Variants in S1PR2 observed in about 807,000 individuals in gnomAD.
S1PR2 encodes the protein sphingosine 1-phosphate receptor 2.
A neutral mutation model predicts 16.1 loss-of-function variants in S1PR2; 9 were observed. That is an observed-to-expected ratio of 0.56 (90% CI 0.34 to 0.98). The LOEUF (loss-of-function observed/expected upper bound fraction) is 0.98, where lower values mean the gene tolerates loss of function less well. Among genes scored for constraint, S1PR2 ranks in the 50% least tolerant of loss-of-function variants. The pLI, the probability that S1PR2 is intolerant of heterozygous loss-of-function variation, is 0.02. For synonymous variants in S1PR2, 224 were observed against 233.9 expected (o/e 0.96, Z 0.38); for missense variants, 361 against 488.4 (o/e 0.74, Z 2.46).
At position 10,223,923 on chromosome 19, in the gene S1PR2, A is replaced by C; in HGVS notation, c.983T>G (p.Leu328Arg). The change falls in exon 2 of 2, where the codon CTC (leucine) becomes CGC (arginine). Residue 328 changes from leucine (L) to arginine (R), a missense_variant. Transcript: ENST00000646641. ...CCTCTCCAGGGAGCTGGAGCTGCGG[A>C]GTGGCAGGAGGTGGTGGCCCGGGGT... ...GGTPGHHLLPLRSSSSLERGM... is the reference protein window; with the variant it reads ...GGTPGHHLLPRRSSSSLERGM... 2 of 1,602,400 alleles carry C rather than the reference A, an allele frequency of 1.2e-6. No individual in the cohort carries two copies. The highest frequency in any genetic ancestry group is 1.7e-6 in the Non-Finnish European group (2 of 1,173,976).
chr19:10,230,019 C>G (rs746712053), intron 1 of S1PR2, among the ~76,000 whole-genome samples: 2 of 152,136 alleles, frequency 1.3e-5, no homozygotes, highest in African/African-American at 4.8e-5. Context: ...AAAGGAGACC[C>G]TAGTGGGTTC....
chr19:10,224,686 TG>T lies in S1PR2; in HGVS notation c.219del (p.Asn74ThrfsTer14). The T allele has an allele frequency of 6.2e-7, 1 of 1,614,202 alleles. No homozygotes were observed. Among genetic ancestry groups the T allele is most frequent in the Non-Finnish European group, 8.5e-7 (1 of 1,180,046 alleles). On this transcript the variant is annotated frameshift_variant, in exon 2 of 2. Coordinates refer to ENST00000646641, the MANE Select transcript of S1PR2 (RefSeq NM_004230.4). LOFTEE classifies it high-confidence loss of function. Reference protein sequence around the residue: ...KFHSAMYLFLGNLAASDLLAG... With the variant: ...KFHSAMYLFLXNLAASDLLAG... ...GCCAGTAGATCGGAGGCGGCCAGGT[TG>T]CCCAGAAACAGGTACATTGCCGAGT... is the stretch of plus-strand genomic sequence containing the variant.
chr19:10,227,409 G>C (rs1228200857), intron 1 of S1PR2, among the ~76,000 whole-genome samples: 5 of 152,172 alleles, frequency 3.3e-5, no homozygotes, highest in Non-Finnish European at 7.4e-5. Flanking sequence ...AGGGCGGAGG[G>C]ACATCCGTCC....
At chr19:10,227,416 G>A (rs946393221) in intron 1 of S1PR2, among the ~76,000 whole-genome samples, 1 of 152,142 alleles carries the variant, frequency 6.6e-6, no homozygotes, top group Non-Finnish European at 1.5e-5. Context: ...AGGGACATCC[G>A]TCCTAGTTTG....
Position 10,224,304 on chromosome 19 carries a change from A to ATGATGGAG in S1PR2, c.594_601dup (p.Ile201ThrfsTer32). The stretch of plus-strand genomic sequence containing the variant: ...GTACAGGGCCACGATGGCCAACAGG[A>ATGATGGAG]TGATGGAGAAGATGGTCACCACGCA... On this transcript the variant is annotated frameshift_variant, in exon 2 of 2. Coordinates refer to ENST00000646641, the MANE Select transcript of S1PR2 (RefSeq NM_004230.4). LOFTEE classifies it high-confidence loss of function. The ATGATGGAG allele has an allele frequency of 1.2e-6, 2 of 1,614,128 alleles. No individual in the cohort carries two copies. Among genetic ancestry groups the ATGATGGAG allele is most frequent in the Non-Finnish European group, 1.7e-6 (2 of 1,180,046 alleles).
rs748833361 is a variant in S1PR2 at position 10,223,949 on chromosome 19, C to T, written c.957G>A (p.Gly319=). The T allele has an allele frequency of 6.2e-7, 1 of 1,603,770 alleles. No individual in the cohort carries two copies. Among genetic ancestry groups the T allele is most frequent in the Non-Finnish European group, 8.5e-7 (1 of 1,175,110 alleles). Residue 319 remains glycine, a synonymous_variant, in exon 2 of 2, where the codon GGG becomes GGA. Coordinates refer to ENST00000646641, the MANE Select transcript of S1PR2 (RefSeq NM_004230.4). ...GVGVQGRRRG[G]TPGHHLLPLR... ...GTGGCAGGAGGTGGTGGCCCGGGGT[C>T]CCGCCCCGCCTCCGTCCTTGCACCC...
chr19:10,231,036 C>A (rs1447990042), intron 1 of S1PR2, among the ~76,000 whole-genome samples, 168 bp downstream of exon 1: 1 of 152,246 alleles, frequency 6.6e-6, no homozygotes, highest in Admixed American at 6.5e-5. Context: ...CAGTGGGGGC[C>A]GCCCGGATTC....
intron 1 of S1PR2, among the ~76,000 whole-genome samples, chr19:10,230,218 T>TA: frequency 6.6e-6 from 1 of 152,270 alleles, no homozygotes; most frequent in East Asian, 1.9e-4. Flanking sequence ...TTATCTGGTT[T>TA]AGGAATGCGC....
intron 1 of S1PR2, among the ~76,000 whole-genome samples, chr19:10,227,045 G>A (rs2039640122): frequency 6.6e-6 from 1 of 151,710 alleles, no homozygotes; most frequent in South Asian, 2.1e-4. Context: ...GGCGGGGAGA[G>A]GCGCTCCTCG....
Position 10,225,390 on chromosome 19 carries a change from A to ATTTTT in S1PR2, c.-42-448_-42-444dup, listed in dbSNP as rs35464657. ...AAGCACATGCCACCACGCCTGGCTAATTTTTTTTTTTTTTTTTTTTTTTTG... is the reference window on the plus strand; with the variant it reads ...AAGCACATGCCACCACGCCTGGCTAATTTTTTTTTTTTTTTTTTTTTTTTTTTTTG... On this transcript the variant is annotated intron_variant, in intron 1 of 1. Coordinates refer to ENST00000646641, the MANE Select transcript of S1PR2 (RefSeq NM_004230.4). Among the ~76,000 whole-genome samples the ATTTTT allele has an allele frequency of 1.1e-3, 88 of 80,556 alleles. 2 individuals are homozygous for ATTTTT. Among genetic ancestry groups the ATTTTT allele is most frequent in the African/African-American group, 1.2e-3 (22 of 18,224 alleles). 52.8% of individuals were successfully genotyped at this position (80,556 alleles called of 152,430 possible). A position where few individuals can be genotyped will look rare whatever the true frequency, so the allele number is the denominator to read the frequency against.
chr19:10,223,898 CCTCT>C lies in S1PR2; in HGVS notation c.1004_1007del (p.Glu335GlyfsTer59). 6.3e-7 allele frequency: 1 copy of C among 1,587,230 alleles called. No individual in the cohort carries two copies. ...TGGGTGACGTGGGCATGTGCATGCC[CCTCT>C]CCAGGGAGCTGGAGCTGCGGAGTGG... On this transcript the variant is annotated frameshift_variant, in exon 2 of 2. Transcript: ENST00000646641. LOFTEE classifies it high-confidence loss of function.
intron 1 of S1PR2, among the ~76,000 whole-genome samples, chr19:10,226,390 G>A (rs990242225): frequency 3.3e-5 from 5 of 152,228 alleles, no homozygotes; most frequent in Admixed American, 2.0e-4. Context: ...GTCCCTAGAC[G>A]CTGTCTCAGC....
intron 1 of S1PR2, among the ~76,000 whole-genome samples, chr19:10,230,639 G>T (rs2039668589): frequency 6.6e-6 from 1 of 152,364 alleles, no homozygotes; most frequent in Admixed American, 6.5e-5. Context: ...CTGAGCCGGA[G>T]TTGAAAGAGG....
At position 10,223,485 on chromosome 19, in the gene S1PR2, C is replaced by T. The variant is rs1351096965; in HGVS notation, c.*359G>A. Reference sequence around the variant, plus strand: ...TGGGCAGCAGTGCAAGATTCCGTCTCAAAAAAAAAAAAAAATCCTTTGTAC... The same window carrying T: ...TGGGCAGCAGTGCAAGATTCCGTCTTAAAAAAAAAAAAAAATCCTTTGTAC... On this transcript the variant is annotated 3_prime_UTR_variant, in exon 2 of 2. Coordinates refer to ENST00000646641, the MANE Select transcript of S1PR2 (RefSeq NM_004230.4). 5.8e-6 allele frequency: 1 copy of T among 172,404 alleles called. No individual in the cohort carries two copies. Among genetic ancestry groups the T allele is most frequent in the Non-Finnish European group, 1.2e-5 (1 of 86,942 alleles). 10.7% of individuals were successfully genotyped at this position (172,404 alleles called of 1,614,324 possible). A position where few individuals can be genotyped will look rare whatever the true frequency, so the allele number is the denominator to read the frequency against.
In S1PR2 at chr19:10,224,238, A is replaced by G. The variant is rs1196259553; in HGVS notation, c.668T>C (p.Met223Thr). The G allele has an allele frequency of 3.1e-6, 5 of 1,613,740 alleles. No homozygotes were observed. Among genetic ancestry groups the G allele is most frequent in the Non-Finnish European group, 4.2e-6 (5 of 1,180,050 alleles). The change falls in exon 2 of 2, where the codon ATG (methionine) becomes ACG (threonine). Residue 223 changes from methionine to threonine, a missense_variant. Met to Thr is a moderately conservative substitution (Grantham distance 81). Transcript: ENST00000646641. ...YCVVRSSHAD[M>T]AAPQTLALLK... ...CAGGGCTAGCGTCTGCGGGGCGGCC[A>G]TGTCAGCGTGGCTTGAGCGGACCAC...
rs113804225 is a variant in S1PR2, at chr19:10,223,154, G to C, written c.*690C>G. 1 of 113,888 alleles carries C rather than the reference G, an allele frequency of 8.8e-6. No individual in the cohort carries two copies. The highest frequency in any genetic ancestry group is 3.6e-5 in the African/African-American group (1 of 28,060). The allele number at this position is 113,888 out of a possible 1,614,324, so 7.1% of individuals were successfully genotyped here. On this transcript the variant is annotated 3_prime_UTR_variant, in exon 2 of 2. Transcript: ENST00000646641. ...TGCACTCTCCAGCCTGGGCAACAGA[G>C]CGAGACTTCATCTCAAAAAAAAAAA...
rs1474062716 is a variant in S1PR2, at chr19:10,222,830, T to C, written c.*1014A>G. 6.6e-6 allele frequency: 1 copy of C among 152,002 alleles called. No homozygotes were observed. The highest frequency in any genetic ancestry group is 1.5e-5 in the Non-Finnish European group (1 of 68,128). 9.4% of individuals were successfully genotyped at this position (152,002 alleles called of 1,614,324 possible). A position where few individuals can be genotyped will look rare whatever the true frequency, so the allele number is the denominator to read the frequency against. On this transcript the variant is annotated 3_prime_UTR_variant, in exon 2 of 2. Transcript: ENST00000646641. ...GAGGAATACATTCGAAAAGGAGAAA[T>C]CGGTGCAGGACTAGGGGCCAGGGAA...
chr19:10,227,172 C>CTTA (rs1568276229), intron 1 of S1PR2, among the ~76,000 whole-genome samples: 1 of 151,622 alleles, frequency 6.6e-6, no homozygotes, highest in African/African-American at 2.4e-5. Context: ...AAGTTCCAGC[C>CTTA]TTAGCTAAAT....
At chr19:10,228,548 G>A (rs1224686329) in intron 1 of S1PR2, among the ~76,000 whole-genome samples, 2 of 152,160 alleles carry the variant, frequency 1.3e-5, no homozygotes, top group African/African-American at 4.8e-5. Context: ...CTTTACTGAG[G>A]CAAGCACTTG....
Sources: allele counts gnomAD v4.1 joint callset (sites outside exome capture counted in the v4.1 genomes callset), GRCh38; gene constraint gnomAD v4.1.1; transcripts MANE v1.5; gene names NCBI Gene and HGNC (gene_info 2026-07-23, HGNC 2026-07-21).